Variants in FRMD4A observed in about 807,000 individuals in gnomAD.
FRMD4A encodes the protein FERM domain-containing protein 4A.
A neutral mutation model predicts 129.1 loss-of-function variants in FRMD4A; 29 were observed. The observed-to-expected ratio is 0.22, with a 90% CI of 0.17 to 0.31. The LOEUF (loss-of-function observed/expected upper bound fraction) is 0.31. FRMD4A is among the 10% of genes least tolerant of loss of function. FRMD4A has a pLI of 1.00. For synonymous variants in FRMD4A, 634 were observed against 571.6 expected (o/e 1.11, Z -1.56); for missense variants, 1,272 against 1,375.8 (o/e 0.92, Z 1.19).
chr10:13,752,353 T>C (rs2091667349), intron 8 of FRMD4A, among the ~76,000 whole-genome samples: 1 of 152,212 alleles, frequency 6.6e-6, no homozygotes, highest in South Asian at 2.1e-4. Flanking sequence ...ACAGCAGATT[T>C]AACCAAGATG....
intron 6 of FRMD4A, among the ~76,000 whole-genome samples, chr10:13,763,310 ACTTT>A (rs1348940927): frequency 6.6e-6 from 1 of 152,164 alleles, no homozygotes; most frequent in African/African-American, 2.4e-5. Context: ...AAACTTCAGA[ACTTT>A]CTTTCTATAA....
intron 2 of FRMD4A, among the ~76,000 whole-genome samples, chr10:14,310,383 G>A (rs906315968): frequency 6.6e-5 from 10 of 152,242 alleles, no homozygotes; most frequent in African/African-American, 2.4e-4. Context: ...AAGAGTCCTC[G>A]GCAGAATTTC....
At chr10:13,899,169 A>C (rs546230595) in intron 2 of FRMD4A, among the ~76,000 whole-genome samples, 2 of 152,222 alleles carry the variant, frequency 1.3e-5, no homozygotes, top group South Asian at 4.1e-4. Flanking sequence ...CTATAAAATA[A>C]AATAAAATAA....
At chr10:13,787,440 G>A (rs2092894659) in intron 5 of FRMD4A, among the ~76,000 whole-genome samples, 1 of 152,088 alleles carries the variant, frequency 6.6e-6, no homozygotes, top group African/African-American at 2.4e-5. Context: ...CTGAGGGTTT[G>A]GATTCAAAGT....
chr10:13,780,473 G>C (rs758844002), intron 6 of FRMD4A, among the ~76,000 whole-genome samples: 1 of 152,162 alleles, frequency 6.6e-6, no homozygotes, highest in African/African-American at 2.4e-5. Context: ...AGCTTATGGA[G>C]CAATTGGATA....
chr10:14,107,495 A>G (rs1837649017), intron 2 of FRMD4A, among the ~76,000 whole-genome samples: 1 of 152,174 alleles, frequency 6.6e-6, no homozygotes, highest in Non-Finnish European at 1.5e-5. Flanking sequence ...ATATTTATGC[A>G]ACATGTTTAT....
At chr10:14,039,359 T>TGTCCGTCCGTCCGTCC (rs60914319) in intron 2 of FRMD4A, among the ~76,000 whole-genome samples, 29 of 128,258 alleles carry the variant, frequency 2.3e-4, no homozygotes, top group Admixed American at 9.3e-4. Context: ...CTTTCTGATC[T>TGTCCGTCCGTCCGTCC]GTCCGTCCGT....
intron 2 of FRMD4A, among the ~76,000 whole-genome samples, chr10:14,047,480 G>A (rs1035934515): frequency 1.4e-4 from 21 of 152,170 alleles, no homozygotes; most frequent in African/African-American, 4.8e-4. Flanking sequence ...GCTGATGGAG[G>A]ATTGATAGGA....
chr10:14,288,853 C>T, intron 2 of FRMD4A, among the ~76,000 whole-genome samples: 1 of 152,288 alleles, frequency 6.6e-6, no homozygotes. Context: ...TTAGATTCCT[C>T]ATGTAAATGT....
intron 2 of FRMD4A, among the ~76,000 whole-genome samples, chr10:14,284,839 T>G (rs768000650): frequency 1.3e-5 from 2 of 152,180 alleles, no homozygotes; most frequent in African/African-American, 2.4e-5. Context: ...CCTGGAAAAC[T>G]CCTATTCATC....
At chr10:14,207,839 T>C (rs1842830288) in intron 2 of FRMD4A, among the ~76,000 whole-genome samples, 1 of 152,168 alleles carries the variant, frequency 6.6e-6, no homozygotes, top group Non-Finnish European at 1.5e-5. Flanking sequence ...TTTTCAGTGT[T>C]ATACAATAAG....
chr10:14,113,115 G>C (rs1046643967), intron 2 of FRMD4A, among the ~76,000 whole-genome samples: 6 of 152,136 alleles, frequency 3.9e-5, no homozygotes, highest in Non-Finnish European at 7.4e-5. Context: ...TGCCTGGTGT[G>C]CTGATTTTCA....
At chr10:13,943,239 G>C (rs544787911) in intron 2 of FRMD4A, among the ~76,000 whole-genome samples, 2 of 152,244 alleles carry the variant, frequency 1.3e-5, no homozygotes, top group African/African-American at 4.8e-5. Context: ...CTCCCCTCAG[G>C]CCTCTCCACC....
intron 13 of FRMD4A, among the ~76,000 whole-genome samples, chr10:13,706,493 T>C (rs1208673259): frequency 2.0e-5 from 3 of 152,144 alleles, no homozygotes; most frequent in Admixed American, 6.5e-5. Flanking sequence ...AATAATTTCA[T>C]TTCTTTCACA....
intron 12 of FRMD4A, among the ~76,000 whole-genome samples, chr10:13,737,623 A>G (rs1260079995): frequency 6.6e-6 from 1 of 152,122 alleles, no homozygotes; most frequent in African/African-American, 2.4e-5. Context: ...TTAAGTAATT[A>G]TAACAGCTTA....
chr10:14,217,451 T>C (rs1034886701), intron 2 of FRMD4A, among the ~76,000 whole-genome samples: 6 of 152,236 alleles, frequency 3.9e-5, no homozygotes, highest in African/African-American at 1.4e-4. Flanking sequence ...CCCTTTCGTC[T>C]GGGTTCCACT....
chr10:13,738,873 G>A (rs2090815344), intron 11 of FRMD4A, among the ~76,000 whole-genome samples: 1 of 152,132 alleles, frequency 6.6e-6, no homozygotes, highest in Non-Finnish European at 1.5e-5. Flanking sequence ...CACCCGTCTT[G>A]GCCTCCCAAA....
At chr10:13,958,327 A>G (rs1396570287) in intron 2 of FRMD4A, among the ~76,000 whole-genome samples, 1 of 117,276 alleles carries the variant, frequency 8.5e-6, no homozygotes, top group African/African-American at 3.4e-5. Context: ...CTCGTCGCCC[A>G]GGCTGGAGTG....
At chr10:13,667,357 C>G (rs1332357653) in intron 17 of FRMD4A, 1 of 150,332 alleles carries the variant, frequency 6.7e-6, no homozygotes, top group Admixed American at 6.7e-5. Flanking sequence ...CCCACCCCCC[C>G]AGCTCACTTG....
Sources: gnomAD v4.1 joint callset for allele counts (sites outside exome capture counted in the v4.1 genomes callset) on GRCh38, gnomAD v4.1.1 for gene constraint, MANE v1.5 for transcripts, NCBI Gene and HGNC (gene_info 2026-07-23, HGNC 2026-07-21) for gene names.